NKAIN2: variants seen among roughly 807,000 people sequenced by gnomAD.
The protein encoded by NKAIN2 is sodium/potassium transporting ATPase interacting 2, also known as sodium/potassium-transporting ATPase subunit beta-1-interacting protein 2.
Under a neutral mutation model 32.6 loss-of-function variants are expected in NKAIN2, and 14 were observed. The ratio of observed to expected loss-of-function variants is 0.43; its 90% CI spans 0.28 to 0.67. The LOEUF (loss-of-function observed/expected upper bound fraction) is 0.67, where lower values mean the gene tolerates loss of function less well. Among genes scored for constraint, NKAIN2 ranks in the 30% least tolerant of loss-of-function variants. The pLI, the probability that NKAIN2 is intolerant of heterozygous loss-of-function variation, is 0.17. For missense variants in NKAIN2, 198 were observed against 258.3 expected (o/e 0.77, Z 1.60); for synonymous variants, 80 against 87.2 (o/e 0.92, Z 0.46).
intron 2 of NKAIN2, among the ~76,000 whole-genome samples, chr6:124,342,052 A>G (rs1268758623): frequency 6.6e-6 from 1 of 152,174 alleles, no homozygotes; most frequent in Non-Finnish European, 1.5e-5. Context: ...AACGGTAAAT[A>G]TTGTCCTACT....
intron 3 of NKAIN2, among the ~76,000 whole-genome samples, chr6:124,366,981 A>T (rs1799545341): frequency 6.6e-6 from 1 of 152,010 alleles, no homozygotes; most frequent in African/African-American, 2.4e-5. Flanking sequence ...AACTCTCCAT[A>T]AATTTATAAA....
At position 124,056,533 on chromosome 6, in the gene NKAIN2, A is replaced by G. The variant is rs993873067; in HGVS notation, c.55-226472A>G. Among the ~76,000 whole-genome samples, 20 of 152,152 alleles carry G rather than the reference A, an allele frequency of 1.3e-4. 1 individual carries two copies. The highest frequency in any genetic ancestry group is 9.8e-4 in the Admixed American group (15 of 15,242). On this transcript the variant is annotated intron_variant, in intron 1 of 6. Coordinates refer to ENST00000368417, the MANE Select transcript of NKAIN2 (RefSeq NM_001040214.3). The stretch of plus-strand genomic sequence containing the variant: ...AGAAATATTCCACTCTTTGCAGTGC[A>G]TAACACAGACTCTCTAAATATAGGT...
chr6:124,698,070 A>ACTTCATTATTATTTTC (rs1774588500), intron 4 of NKAIN2, among the ~76,000 whole-genome samples: 1 of 152,182 alleles, frequency 6.6e-6, no homozygotes, highest in South Asian at 2.1e-4. Flanking sequence ...TTGTAGTCTT[A>ACTTCATTATTATTTTC]CTTCATTATT....
chr6:124,564,204 C>T (rs1780812237), intron 3 of NKAIN2, among the ~76,000 whole-genome samples: 1 of 152,116 alleles, frequency 6.6e-6, no homozygotes, highest in Non-Finnish European at 1.5e-5. Flanking sequence ...AATCAGCGCT[C>T]TGTGTCTAGC....
At chr6:124,049,298 C>T (rs928615640) in intron 1 of NKAIN2, among the ~76,000 whole-genome samples, 2 of 151,938 alleles carry the variant, frequency 1.3e-5, no homozygotes, top group Non-Finnish European at 2.9e-5. Flanking sequence ...TTTATGCATT[C>T]TGGACTGAAA....
chr6:123,815,491 A>G (rs1256003824), intron 1 of NKAIN2, among the ~76,000 whole-genome samples: 2 of 152,106 alleles, frequency 1.3e-5, no homozygotes, highest in East Asian at 3.9e-4. Context: ...TATTTTTCAT[A>G]TCTCTAGAGC....
intron 2 of NKAIN2, among the ~76,000 whole-genome samples, chr6:124,289,671 C>T (rs1181484115): frequency 1.3e-5 from 2 of 152,124 alleles, no homozygotes; most frequent in Non-Finnish European, 1.5e-5. Flanking sequence ...GAGCTCAGGT[C>T]TCCATAGAGA....
intron 4 of NKAIN2, among the ~76,000 whole-genome samples, chr6:124,779,318 G>GGGAGGGAAGAAAGGAAGGAAGGAA (rs1326467199): frequency 1.9e-5 from 1 of 52,992 alleles, no homozygotes; most frequent in East Asian, 5.9e-4. Flanking sequence ...GAGGGAGGGA[G>GGGAGGGAAGAAAGGAAGGAAGGAA]GGAAGGAAGG....
chr6:124,314,347 A>G (rs1377028605), intron 2 of NKAIN2, among the ~76,000 whole-genome samples: 1 of 152,104 alleles, frequency 6.6e-6, no homozygotes, highest in Non-Finnish European at 1.5e-5. Context: ...GGTCCTCTAA[A>G]CTAATTTCCA....
chr6:124,082,214 G>A (rs187574971), intron 1 of NKAIN2, among the ~76,000 whole-genome samples: 22 of 152,222 alleles, frequency 1.4e-4, no homozygotes, highest in Admixed American at 7.2e-4. Flanking sequence ...TGCATCTGAT[G>A]TTAGTAGTCT....
intron 1 of NKAIN2, among the ~76,000 whole-genome samples, chr6:123,956,211 A>C (rs1020496855): frequency 6.6e-6 from 1 of 152,208 alleles, no homozygotes; most frequent in African/African-American, 2.4e-5. Flanking sequence ...GAAAACCGGT[A>C]TCTATTTCTT....
intron 3 of NKAIN2, among the ~76,000 whole-genome samples, chr6:124,573,085 C>T (rs1781191226): frequency 6.6e-6 from 1 of 152,084 alleles, no homozygotes; most frequent in Admixed American, 6.5e-5. Flanking sequence ...GGTGATCCGC[C>T]CACCCCGGCC....
At chr6:124,473,340 G>T (rs903955312) in intron 3 of NKAIN2, among the ~76,000 whole-genome samples, 3 of 152,148 alleles carry the variant, frequency 2.0e-5, no homozygotes, top group Admixed American at 6.6e-5. Context: ...AGATAAAACA[G>T]ATAAAAGTTC....
At chr6:124,200,407 G>T (rs1411967627) in intron 1 of NKAIN2, among the ~76,000 whole-genome samples, 1 of 152,094 alleles carries the variant, frequency 6.6e-6, no homozygotes, top group Admixed American at 6.6e-5. Context: ...GGTCCTTGCT[G>T]TGTTTTGTTC....
intron 2 of NKAIN2, among the ~76,000 whole-genome samples, chr6:124,320,615 A>T (rs2626120): frequency 6.6e-6 from 1 of 152,054 alleles, no homozygotes; most frequent in Admixed American, 6.6e-5. Flanking sequence ...TTTGTTTATC[A>T]GTAAATCTAT....
chr6:123,857,942 CAT>C (rs1461031209), intron 1 of NKAIN2, among the ~76,000 whole-genome samples: 3 of 152,142 alleles, frequency 2.0e-5, no homozygotes, highest in African/African-American at 7.2e-5. Context: ...TAAACAAAGA[CAT>C]ATCAGATTTA....
intron 4 of NKAIN2, among the ~76,000 whole-genome samples, chr6:124,694,971 T>C (rs1040415332): frequency 1.3e-5 from 2 of 148,756 alleles, no homozygotes; most frequent in African/African-American, 2.5e-5. Context: ...ACTTTGTTTG[T>C]TTTGTTTTTC....
intron 3 of NKAIN2, among the ~76,000 whole-genome samples, chr6:124,494,494 T>G (rs945392980): frequency 6.6e-6 from 1 of 152,112 alleles, no homozygotes; most frequent in Non-Finnish European, 1.5e-5. Flanking sequence ...GTCATTTTAA[T>G]AAGGGCTCTC....
At chr6:124,566,733 CAAGAATTAAA>C (rs1780928205) in intron 3 of NKAIN2, among the ~76,000 whole-genome samples, 1 of 151,916 alleles carries the variant, frequency 6.6e-6, no homozygotes, top group East Asian at 1.9e-4. Context: ...TTTAAATATT[CAAGAATTAAA>C]CTAAGATGAG....
Sources: gnomAD v4.1 joint callset for allele counts (sites outside exome capture counted in the v4.1 genomes callset) on GRCh38, gnomAD v4.1.1 for gene constraint, MANE v1.5 for transcripts, NCBI Gene and HGNC (gene_info 2026-07-23, HGNC 2026-07-21) for gene names.